Variants in PEAK1 observed in about 807,000 individuals in gnomAD.
PEAK1 encodes inactive tyrosine-protein kinase PEAK1.
PEAK1 carries 54 observed loss-of-function variants against 124.7 expected under a neutral mutation model. The ratio of observed to expected loss-of-function variants is 0.43; its 90% confidence interval spans 0.35 to 0.54. The LOEUF (loss-of-function observed/expected upper bound fraction) is 0.54, where lower values mean the gene tolerates loss of function less well. Ranked by LOEUF, PEAK1 falls within the 20% of genes least tolerant of loss-of-function variation. The pLI, the probability that PEAK1 is intolerant of heterozygous loss-of-function variation, is 0.01. For synonymous variants in PEAK1, 719 were observed against 760.0 expected, an observed-to-expected ratio of 0.95 and a Z score of 0.89; for missense variants, 2,046 against 2,134.5, an observed-to-expected ratio of 0.96 and a Z score of 0.82.
chr15:77,361,813 T>C (rs144279577), intron 2 of PEAK1, among the ~76,000 whole-genome samples: 1 of 151,648 alleles, frequency 6.6e-6, no homozygotes, highest in African/African-American at 2.4e-5. Flanking sequence ...AGCCAAGATA[T>C]GAAATCAACC....
At chr15:77,335,375 G>A (rs766726617) in intron 2 of PEAK1, 29 of 985,084 alleles carry the variant, frequency 2.9e-5, no homozygotes, top group Non-Finnish European at 3.5e-5. Context: ...TGTATCTAGT[G>A]GTCTTTTTAA....
chr15:77,261,066 C>A (rs2061414022), intron 5 of PEAK1, among the ~76,000 whole-genome samples: 1 of 152,196 alleles, frequency 6.6e-6, no homozygotes, highest in South Asian at 2.1e-4. Flanking sequence ...AGGGTCCTGA[C>A]TGTTAGAAGG....
At chr15:77,147,148 C>T (rs1409959164) in intron 8 of PEAK1, among the ~76,000 whole-genome samples, 1 of 152,118 alleles carries the variant, frequency 6.6e-6, no homozygotes, top group Admixed American at 6.5e-5. Flanking sequence ...TGGACGAAGC[C>T]TCATATTAGA....
Position 77,272,874 on chromosome 15 carries a change from C to A in PEAK1, c.-275+11009G>T, listed in dbSNP as rs145076758. Among the ~76,000 whole-genome samples, 649 of 152,194 alleles carry A rather than the reference C, an allele frequency of 4.3e-3. 1 individual carries two copies. Among genetic ancestry groups the A allele is most frequent in the African/African-American group, 0.013 (554 of 41,538 alleles). ...GCAAAAATCCTTAACAAAATACTAGCTAAACGAATCCAACAGAGATAAAAA... is the reference window on the plus strand; with the variant it reads ...GCAAAAATCCTTAACAAAATACTAGATAAACGAATCCAACAGAGATAAAAA... On this transcript the variant is annotated intron_variant, in intron 5 of 9. Transcript: ENST00000682557.
chr15:77,272,567 CAG>C (rs1215899309), intron 5 of PEAK1, among the ~76,000 whole-genome samples: 1 of 151,958 alleles, frequency 6.6e-6, no homozygotes, highest in Non-Finnish European at 1.5e-5. Context: ...CAGGAAGAAA[CAG>C]AAACTCTGAA....
At chr15:77,375,433 T>C (rs2068933203) in intron 1 of PEAK1, among the ~76,000 whole-genome samples, 1 of 152,176 alleles carries the variant, frequency 6.6e-6, no homozygotes, top group Non-Finnish European at 1.5e-5. Context: ...TGAAGTTCCA[T>C]GGTGTATAAG....
chr15:77,320,856 G>A (rs1226383307), intron 2 of PEAK1, among the ~76,000 whole-genome samples: 1 of 149,136 alleles, frequency 6.7e-6, no homozygotes, highest in Admixed American at 6.8e-5. Context: ...CCCCCTTCCT[G>A]TGTCCATGTG....
chr15:77,175,868 G>A (rs1232112461), intron 7 of PEAK1, among the ~76,000 whole-genome samples: 2 of 152,076 alleles, frequency 1.3e-5, no homozygotes, highest in Admixed American at 6.5e-5. Context: ...GTCCAACAAC[G>A]ATAGACTGGA....
At chr15:77,346,233 T>C in intron 2 of PEAK1, 1 of 922,322 alleles carries the variant, frequency 1.1e-6, no homozygotes, top group Non-Finnish European at 1.3e-6. Context: ...TGCCACAGTT[T>C]CAATGTCATC....
intron 1 of PEAK1, chr15:77,404,265 C>T (rs914434991): frequency 1.0e-6 from 1 of 985,218 alleles, no homozygotes; most frequent in African/African-American, 1.7e-5. Flanking sequence ...TCTCATACAC[C>T]TCTCCAGAAT....
intron 6 of PEAK1, among the ~76,000 whole-genome samples, chr15:77,236,103 G>T (rs1248619722): frequency 6.6e-6 from 1 of 152,246 alleles, no homozygotes; most frequent in African/African-American, 2.4e-5. Context: ...GGAAACGTGG[G>T]GTTGGAGTCT....
At chr15:77,243,865 G>A (rs560901162) in intron 6 of PEAK1, among the ~76,000 whole-genome samples, 103 of 152,314 alleles carry the variant, frequency 6.8e-4, no homozygotes, top group South Asian at 2.5e-3. Context: ...CTACTCGGGA[G>A]GCTGAGGCAG....
intron 9 of PEAK1, among the ~76,000 whole-genome samples, chr15:77,128,028 G>A (rs548370206): frequency 4.0e-5 from 6 of 150,798 alleles, no homozygotes; most frequent in Non-Finnish European, 7.4e-5. Flanking sequence ...GCAGTGAACC[G>A]AGATCGTGTC....
chr15:77,224,905 C>A (rs2059561046), intron 6 of PEAK1, among the ~76,000 whole-genome samples: 1 of 151,880 alleles, frequency 6.6e-6, no homozygotes. Flanking sequence ...CACAGCTGCA[C>A]CTTTCACGTC....
chr15:77,319,015 G>C (rs531978351), intron 2 of PEAK1, among the ~76,000 whole-genome samples: 1 of 152,258 alleles, frequency 6.6e-6, no homozygotes, highest in Non-Finnish European at 1.5e-5. Flanking sequence ...GCCACACCTT[G>C]CACTAGAACC....
chr15:77,155,744 G>A (rs1012565215), intron 8 of PEAK1: 3 of 152,416 alleles, frequency 2.0e-5, no homozygotes, highest in African/African-American at 7.2e-5. Flanking sequence ...TTTGCTAGAG[G>A]TCCACTCTAG....
rs909564148 is a variant in PEAK1 at position 77,335,573 on chromosome 15, G to A, written c.-603+29590C>T. The A allele has an allele frequency of 6.9e-6, 6 of 875,420 alleles. No homozygotes were observed. The African/African-American group carries it at 7.3e-5, about 11-fold the overall frequency. The allele number at this position is 875,420 out of a possible 1,614,324, so 54.2% of individuals were successfully genotyped here. The stretch of plus-strand genomic sequence containing the variant: ...TAGCTCACTGCAGCCATGAAGTCTG[G>A]GCTTAAGCGAACCGCCTGACACAGC... On this transcript the variant is annotated intron_variant, in intron 2 of 9. Transcript: ENST00000682557.
At chr15:77,142,232 G>C (rs766529316) in intron 8 of PEAK1, among the ~76,000 whole-genome samples, 8 of 152,170 alleles carry the variant, frequency 5.3e-5, no homozygotes, top group Non-Finnish European at 1.0e-4. Flanking sequence ...AAGATGTTTG[G>C]CATCATCACT....
At chr15:77,176,798 G>A (rs972195913) in intron 7 of PEAK1, among the ~76,000 whole-genome samples, 4 of 152,118 alleles carry the variant, frequency 2.6e-5, no homozygotes, top group South Asian at 2.1e-4. Flanking sequence ...GAAAGAAGCC[G>A]AACATTTCTT....
Sources: allele counts gnomAD v4.1 joint callset (sites outside exome capture counted in the v4.1 genomes callset), GRCh38; gene constraint gnomAD v4.1.1; transcripts MANE v1.5; gene names NCBI Gene and HGNC (gene_info 2026-07-23, HGNC 2026-07-21).